Variants in PARD3B observed in about 807,000 individuals in gnomAD.
The protein encoded by PARD3B is par-3 family cell polarity regulator beta.
In PARD3B, 103 loss-of-function variants were observed where a neutral mutation model predicts 130.2. That is an observed-to-expected ratio of 0.79 (90% CI 0.67 to 0.93). PARD3B has a LOEUF of 0.93. PARD3B is among the 40% of genes least tolerant of loss of function. The pLI is 0.00. For missense variants in PARD3B, 1,609 were observed against 1,499.2 expected (o/e 1.07, Z -1.21); for synonymous variants, 583 against 553.2 (o/e 1.05, Z -0.76).
chr2:205,311,808 T>C (rs1314010483), intron 18 of PARD3B, among the ~76,000 whole-genome samples: 2 of 152,244 alleles, frequency 1.3e-5, no homozygotes, highest in East Asian at 3.8e-4. Flanking sequence ...CAAAACCTTC[T>C]ATTGCAGAAT....
intron 3 of PARD3B, among the ~76,000 whole-genome samples, chr2:205,029,473 T>G (rs546746102): frequency 6.6e-6 from 1 of 152,286 alleles, no homozygotes; most frequent in Admixed American, 6.5e-5. Flanking sequence ...TTCCCTAGCT[T>G]CCAGCTTAGT....
chr2:205,348,641 T>A (rs1430119584), intron 18 of PARD3B, among the ~76,000 whole-genome samples: 1 of 152,258 alleles, frequency 6.6e-6, no homozygotes, highest in Non-Finnish European at 1.5e-5. Flanking sequence ...TGATGGCATT[T>A]GCCCCTTTGG....
chr2:205,592,451 T>A lies in PARD3B; in HGVS notation c.3261-23005T>A, dbSNP rs542693958. ...AGCGAACATCCACTAATAAACTTTA[T>A]ATTGGGTGCCTACCATGAGCCAGGC... On this transcript the variant is annotated intron_variant, in intron 22 of 22. Coordinates refer to ENST00000406610, the MANE Select transcript of PARD3B (RefSeq NM_001302769.2). This position sits in a 1 kb window ranked among gnomAD's most constrained non-coding sequence, Gnocchi z 4.5. Among the ~76,000 whole-genome samples the A allele has an allele frequency of 6.6e-6, 1 of 152,236 alleles. No homozygotes were observed. Among genetic ancestry groups the A allele is most frequent in the East Asian group, 1.9e-4 (1 of 5,178 alleles).
At chr2:205,583,065 T>C (rs938355680) in intron 22 of PARD3B, among the ~76,000 whole-genome samples, 1 of 152,216 alleles carries the variant, frequency 6.6e-6, no homozygotes, top group African/African-American at 2.4e-5. Context: ...TGGTTGTTCT[T>C]GATTTAGGGA....
At chr2:205,170,423 G>A (rs1196832535) in intron 11 of PARD3B, among the ~76,000 whole-genome samples, 3 of 152,150 alleles carry the variant, frequency 2.0e-5, no homozygotes, top group South Asian at 4.1e-4. Flanking sequence ...CTGAGGAGGC[G>A]GTCCACTTAA....
At position 205,591,782 on chromosome 2, in the gene PARD3B, T is replaced by C. The variant is rs2054394309; in HGVS notation, c.3261-23674T>C. Among the ~76,000 whole-genome samples, 1 of 152,132 alleles carries C rather than the reference T, an allele frequency of 6.6e-6. No individual in the cohort carries two copies. The highest frequency in any genetic ancestry group is 2.4e-5 in the African/African-American group (1 of 41,436). On this transcript the variant is annotated intron_variant, in intron 22 of 22. Coordinates refer to ENST00000406610, the MANE Select transcript of PARD3B (RefSeq NM_001302769.2). This position sits in a 1 kb window ranked among gnomAD's most constrained non-coding sequence, Gnocchi z 4.2. ...GAGATAAAAAGAGAAGGTCTGGTGG[T>C]TCAGGTCACTGAAGAAAAGGAAGCT...
At chr2:204,563,217 G>GTCTGTCTCTCTC (rs1553541986) in intron 1 of PARD3B, among the ~76,000 whole-genome samples, 18 of 86,596 alleles carry the variant, frequency 2.1e-4, no homozygotes, top group African/African-American at 7.6e-4. Context: ...TCTTCCCGCT[G>GTCTGTCTCTCTC]TCTCTCTCTC....
chr2:205,372,219 C>T lies in PARD3B; in HGVS notation c.2631-28794C>T, dbSNP rs1030895956. 6.6e-5 allele frequency among the ~76,000 whole-genome samples: 10 copies of T among 152,284 alleles called. No individual in the cohort carries two copies. The East Asian group carries it at 1.9e-3, about 29-fold the overall frequency. ...ATATGGTGACTCTATGTTTAACTTT[C>T]TGAAGAACTGCAAGACCATTTGCCA... On this transcript the variant is annotated intron_variant, in intron 18 of 22. Coordinates refer to ENST00000406610, the MANE Select transcript of PARD3B (RefSeq NM_001302769.2).
chr2:204,551,718 T>A (rs2030476943), intron 1 of PARD3B, among the ~76,000 whole-genome samples: 1 of 152,220 alleles, frequency 6.6e-6, no homozygotes, highest in Non-Finnish European at 1.5e-5. Flanking sequence ...GCCCTGTGCT[T>A]AATCAAGTGG....
At chr2:205,326,847 T>C (rs995359385) in intron 18 of PARD3B, among the ~76,000 whole-genome samples, 21 of 152,114 alleles carry the variant, frequency 1.4e-4, no homozygotes, top group Admixed American at 1.1e-3. Flanking sequence ...CAGTAGTAAA[T>C]ACTTATCATG....
intron 18 of PARD3B, among the ~76,000 whole-genome samples, chr2:205,354,026 C>CTTTTTTT (rs869308018): frequency 2.8e-4 from 14 of 50,352 alleles, no homozygotes; most frequent in African/African-American, 4.3e-4. Flanking sequence ...TTTTCTTTTC[C>CTTTTTTT]TTTTTTTTTT....
chr2:205,429,120 C>T (rs1204050160), intron 19 of PARD3B, among the ~76,000 whole-genome samples: 1 of 152,090 alleles, frequency 6.6e-6, no homozygotes, highest in Non-Finnish European at 1.5e-5. Flanking sequence ...ATAAGGAATG[C>T]AATTGAATAA....
intron 2 of PARD3B, among the ~76,000 whole-genome samples, chr2:204,861,496 A>G (rs538288570): frequency 7.2e-5 from 11 of 152,150 alleles, no homozygotes; most frequent in Non-Finnish European, 1.2e-4. Flanking sequence ...TGGTATCTCA[A>G]TTATTCAGAA....
chr2:204,981,575 A>T (rs930913576), intron 3 of PARD3B, among the ~76,000 whole-genome samples: 154 of 152,364 alleles, frequency 1.0e-3, no homozygotes, highest in Non-Finnish European at 1.8e-3. Flanking sequence ...GCAAATATTT[A>T]TTGGACACTT....
At chr2:205,536,535 A>G (rs760907965) in intron 21 of PARD3B, among the ~76,000 whole-genome samples, 1 of 152,194 alleles carries the variant, frequency 6.6e-6, no homozygotes, top group Non-Finnish European at 1.5e-5. Context: ...CTCAGGGATC[A>G]TCACCTGATC....
rs1431933020 is a variant in PARD3B, at chr2:205,592,381, A to G, written c.3261-23075A>G. 1.3e-5 allele frequency among the ~76,000 whole-genome samples: 2 copies of G among 152,152 alleles called. No homozygotes were observed. Among genetic ancestry groups the G allele is most frequent in the Admixed American group, 1.3e-4 (2 of 15,278 alleles). ...GAGGCTGAAACTCAAATGAGTACCC[A>G]TTTAAAGAAAAGAAAACCCCTTCTT... is the stretch of plus-strand genomic sequence containing the variant. On this transcript the variant is annotated intron_variant, in intron 22 of 22. Coordinates refer to ENST00000406610, the MANE Select transcript of PARD3B (RefSeq NM_001302769.2). The surrounding 1 kb of genome is among the most constrained non-coding windows in gnomAD (Gnocchi z 4.5).
chr2:204,642,705 C>T (rs1216992859), intron 1 of PARD3B, among the ~76,000 whole-genome samples: 5 of 151,952 alleles, frequency 3.3e-5, no homozygotes, highest in Non-Finnish European at 7.4e-5. Flanking sequence ...AGTTTCATGT[C>T]GAATTGTAAT....
At chr2:204,895,567 AATT>A (rs761422360) in intron 2 of PARD3B, among the ~76,000 whole-genome samples, 6 of 152,124 alleles carry the variant, frequency 3.9e-5, no homozygotes, top group Non-Finnish European at 5.9e-5. Flanking sequence ...AAGCTAAGAA[AATT>A]ATTATTGTTG....
In PARD3B at chr2:205,366,523, T is replaced by C. The variant is rs2044616030; in HGVS notation, c.2631-34490T>C. Among the ~76,000 whole-genome samples the C allele has an allele frequency of 6.6e-6, 1 of 152,150 alleles. No individual in the cohort carries two copies. Reference sequence around the variant, plus strand: ...TTTTACATGTGGGGACCCAGAGGAATAGAAATGTCACATCGTGACTGAGGG... The same window carrying C: ...TTTTACATGTGGGGACCCAGAGGAACAGAAATGTCACATCGTGACTGAGGG... On this transcript the variant is annotated intron_variant, in intron 18 of 22. Coordinates refer to ENST00000406610, the MANE Select transcript of PARD3B (RefSeq NM_001302769.2). This position sits in a 1 kb window ranked among gnomAD's most constrained non-coding sequence, Gnocchi z 5.0.
Sources: allele counts gnomAD v4.1 joint callset (sites outside exome capture counted in the v4.1 genomes callset), GRCh38; gene constraint gnomAD v4.1.1; non-coding constraint Gnocchi (gnomAD v3.1); transcripts MANE v1.5; gene names NCBI Gene and HGNC (gene_info 2026-07-23, HGNC 2026-07-21).